ABHD2: variants seen among roughly 807,000 people sequenced by gnomAD.
ABHD2 encodes the protein monoacylglycerol lipase ABHD2.
Under a neutral mutation model 48.1 loss-of-function variants are expected in ABHD2, and 20 were observed. The observed-to-expected ratio is 0.42, with a 90% CI of 0.29 to 0.60. The LOEUF (loss-of-function observed/expected upper bound fraction) is 0.60. ABHD2 is among the 20% of genes least tolerant of loss of function. The pLI, the probability that ABHD2 is intolerant of heterozygous loss-of-function variation, is 0.24. For synonymous variants in ABHD2, 209 were observed against 214.2 expected, an observed-to-expected ratio of 0.98 and a Z score of 0.21; for missense variants, 405 against 550.9, an observed-to-expected ratio of 0.74 and a Z score of 2.65.
chr15:89,115,814 C>G (rs1034219654), intron 2 of ABHD2, among the ~76,000 whole-genome samples: 3 of 152,296 alleles, frequency 2.0e-5, no homozygotes, highest in Non-Finnish European at 4.4e-5. Flanking sequence ...TACAACCACA[C>G]CTGGTGGCAC....
chr15:89,129,239 T>C (rs1051238077), intron 3 of ABHD2, among the ~76,000 whole-genome samples: 1 of 151,860 alleles, frequency 6.6e-6, no homozygotes, highest in Non-Finnish European at 1.5e-5. Flanking sequence ...TAAAGACTGA[T>C]GGCTGAGGCA....
intron 3 of ABHD2, among the ~76,000 whole-genome samples, chr15:89,143,220 A>G (rs1369037840): frequency 6.6e-6 from 1 of 152,218 alleles, no homozygotes; most frequent in Non-Finnish European, 1.5e-5. Context: ...TATGAAAACT[A>G]GATTCTTCTG....
rs777948527 is a variant in ABHD2, at chr15:89,174,535, A to G, written c.539-1277A>G. On this transcript the variant is annotated intron_variant, in intron 5 of 10. Coordinates refer to ENST00000352732, the MANE Select transcript of ABHD2 (RefSeq NM_152924.5). The surrounding 1 kb of genome is among the most constrained non-coding windows in gnomAD (Gnocchi z 4.1). ...CCTACCACAAAAGAAGACAGATATA[A>G]GGGGAGTTTACCCCAGGCTCAAAAG... Among the ~76,000 whole-genome samples, 10 of 152,200 alleles carry G rather than the reference A, an allele frequency of 6.6e-5. No homozygotes were observed. Among genetic ancestry groups the G allele is most frequent in the South Asian group, 2.1e-4 (1 of 4,832 alleles).
the ABHD2 span, among the ~76,000 whole-genome samples, chr15:89,044,724 G>C: frequency 6.6e-6 from 1 of 152,058 alleles, no homozygotes; most frequent in Non-Finnish European, 1.5e-5. Context: ...GTCTGTTCAC[G>C]TCCTTCGCCC....
the ABHD2 span, among the ~76,000 whole-genome samples, chr15:89,067,812 C>G: frequency 6.6e-6 from 1 of 152,168 alleles, no homozygotes; most frequent in Non-Finnish European, 1.5e-5. Flanking sequence ...TCCTTCTGGG[C>G]TCTGAGAGTC....
At chr15:89,165,355 C>G (rs999718702) in intron 5 of ABHD2, among the ~76,000 whole-genome samples, 2 of 151,702 alleles carry the variant, frequency 1.3e-5, no homozygotes, top group East Asian at 3.9e-4. Context: ...ATTCTTTAAA[C>G]TGGAAAATAC....
chr15:89,194,786 C>T (rs973217173), intron 10 of ABHD2, among the ~76,000 whole-genome samples: 1 of 152,152 alleles, frequency 6.6e-6, no homozygotes, highest in Non-Finnish European at 1.5e-5. Flanking sequence ...TTTTGATGCA[C>T]AAAGTTAGGA....
chr15:89,158,763 A>C (rs1056142466), intron 5 of ABHD2, among the ~76,000 whole-genome samples: 1 of 151,630 alleles, frequency 6.6e-6, no homozygotes, highest in Non-Finnish European at 1.5e-5. Flanking sequence ...CCCAGGAGGG[A>C]GTGAAGTAGT....
At chr15:89,127,722 C>CATATAT (rs72455898) in intron 3 of ABHD2, among the ~76,000 whole-genome samples, 9,600 of 132,976 alleles carry the variant, frequency 0.072, 441 homozygotes, top group Non-Finnish European at 0.1. Context: ...TATATATACA[C>CATATAT]ATATATATAT....
chr15:89,142,338 G>A (rs1459678011), intron 3 of ABHD2, among the ~76,000 whole-genome samples: 3 of 152,186 alleles, frequency 2.0e-5, no homozygotes, highest in African/African-American at 4.8e-5. Flanking sequence ...AAGAAAAAAG[G>A]TAAATAAATT....
intron 3 of ABHD2, among the ~76,000 whole-genome samples, chr15:89,127,056 T>C (rs1288036364): frequency 6.6e-6 from 1 of 152,216 alleles, no homozygotes; most frequent in Admixed American, 6.5e-5. Context: ...TGCTACCCCA[T>C]GACTGTCAGT....
chr15:89,085,113 C>G (rs1032682136), upstream of ABHD2, among the ~76,000 whole-genome samples: 4 of 152,170 alleles, frequency 2.6e-5, no homozygotes, highest in Non-Finnish European at 5.9e-5. The surrounding 1 kb of genome is among the most constrained non-coding windows in gnomAD (Gnocchi z 4.2). Context: ...CCTTGACTTT[C>G]TCAGGTTAGT....
chr15:89,070,000 G>C, the ABHD2 span: 4 of 152,104 alleles, frequency 2.6e-5, no homozygotes, highest in South Asian at 2.1e-4. Context: ...GTATCATGAA[G>C]AAAGGGTAGG....
At chr15:89,159,206 G>T (rs758784419) in intron 5 of ABHD2, among the ~76,000 whole-genome samples, 6 of 151,854 alleles carry the variant, frequency 4.0e-5, no homozygotes, top group Non-Finnish European at 5.9e-5. Flanking sequence ...GTGAAACCCT[G>T]TGTCTACTAC....
At chr15:89,180,669 G>A (rs550417399) in intron 6 of ABHD2, among the ~76,000 whole-genome samples, 3 of 152,136 alleles carry the variant, frequency 2.0e-5, no homozygotes, top group East Asian at 1.9e-4. Flanking sequence ...CCAGAGGCCC[G>A]GCTGTGCAAG....
intron 5 of ABHD2, among the ~76,000 whole-genome samples, chr15:89,171,164 A>G (rs1360405747): frequency 2.0e-5 from 3 of 152,178 alleles, no homozygotes; most frequent in African/African-American, 7.2e-5. Flanking sequence ...AACTAGGACA[A>G]TGGTTCTCAA....
chr15:89,068,340 A>C, the ABHD2 span, among the ~76,000 whole-genome samples: 3 of 152,216 alleles, frequency 2.0e-5, no homozygotes, highest in African/African-American at 4.8e-5. Context: ...TCTTTGAGTC[A>C]GGAAATTAGA....
At chr15:89,190,890 T>G (rs1005253862) in intron 8 of ABHD2, among the ~76,000 whole-genome samples, 190 bp from the exon 9 acceptor site, 1 of 152,152 alleles carries the variant, frequency 6.6e-6, no homozygotes, top group African/African-American at 2.4e-5. Flanking sequence ...TTCATTGATA[T>G]GATGAGTTAG....
Position 89,092,832 on chromosome 15 carries a change from A to G in ABHD2, c.-107+4269A>G, listed in dbSNP as rs1178097679. Among the ~76,000 whole-genome samples the G allele has an allele frequency of 6.6e-6, 1 of 152,234 alleles. No homozygotes were observed. Among genetic ancestry groups the G allele is most frequent in the Non-Finnish European group, 1.5e-5 (1 of 68,032 alleles). On this transcript the variant is annotated intron_variant, in intron 1 of 10. Transcript: ENST00000352732. This position sits in a 1 kb window ranked among gnomAD's most constrained non-coding sequence, Gnocchi z 4.4. ...ACGTCATTTTTTATGAAGGCCGTCT[A>G]TTTTAGATATCTGTTTTCTGTTTCT...
Sources: gnomAD v4.1 joint callset for allele counts (sites outside exome capture counted in the v4.1 genomes callset) on GRCh38, gnomAD v4.1.1 for gene constraint, Gnocchi (gnomAD v3.1) non-coding constraint, MANE v1.5 for transcripts, NCBI Gene and HGNC (gene_info 2026-07-23, HGNC 2026-07-21) for gene names.